The following HSPG2 variants were observed in gnomAD, a reference collection of about 807,000 sequenced individuals.
HSPG2 encodes heparan sulfate proteoglycan 2.
A neutral mutation model predicts 526.6 loss-of-function variants in HSPG2; 278 were observed. The ratio of observed to expected loss-of-function variants is 0.53; its 90% CI spans 0.48 to 0.58. The LOEUF (loss-of-function observed/expected upper bound fraction) is 0.58, where lower values mean the gene tolerates loss of function less well. Ranked by LOEUF, HSPG2 falls within the 20% of genes least tolerant of loss-of-function variation. The probability of loss-of-function intolerance (pLI) is 0.00; values close to 1 mark genes in which losing one functional copy is unlikely to be tolerated. For missense variants in HSPG2, 5,354 were observed against 6,099.5 expected (o/e 0.88, Z 4.07); for synonymous variants, 2,465 against 2,555.4 (o/e 0.96, Z 1.07).
rs35291473 is a variant in HSPG2 at position 21,838,135 on chromosome 1, CAAAAAAAA to C, written c.10150+682_10150+689del. 8.2e-4 allele frequency among the ~76,000 whole-genome samples: 62 copies of C among 75,286 alleles called. 1 individual carries two copies. The highest frequency in any genetic ancestry group is 8.3e-3 in the Middle Eastern group (1 of 120). The allele number at this position is 75,286 out of a possible 152,430, so 49.4% of individuals were successfully genotyped here. ...TGGGTGAAAGAGTGAGATTCTGTCT[CAAAAAAAA>C]AAAAAAAAAAAAAAAGAAAGAAACT... On this transcript the variant is annotated intron_variant, in intron 74 of 96. Coordinates refer to ENST00000374695, the MANE Select transcript of HSPG2 (RefSeq NM_005529.7).
In HSPG2 at chr1:21,890,227, G is replaced by A. The variant is rs1642253962; in HGVS notation, c.414-86C>T. 1 of 1,535,742 alleles carries A rather than the reference G, an allele frequency of 6.5e-7. No individual in the cohort carries two copies. The highest frequency in any genetic ancestry group is 1.4e-5 in the African/African-American group (1 of 73,554). On this transcript the variant is annotated intron_variant, in intron 5 of 96. Coordinates refer to ENST00000374695, the MANE Select transcript of HSPG2 (RefSeq NM_005529.7). This position sits in a 1 kb window ranked among gnomAD's most constrained non-coding sequence, Gnocchi z 4.1. Reference sequence around the variant, plus strand: ...CATGAGGCTCCCGCCCCGACGCTCAGGCCCTGTTCCGGGACAGCCTGTACC... The same window carrying A: ...CATGAGGCTCCCGCCCCGACGCTCAAGCCCTGTTCCGGGACAGCCTGTACC...
At chr1:21,861,639 A>G in intron 39 of HSPG2, 118 bp downstream of exon 39, 1 of 936,038 alleles carries the variant, frequency 1.1e-6, no homozygotes, top group Non-Finnish European at 1.7e-6. Flanking sequence ...GAAGTGTTTG[A>G]GGCAGGGAAG....
At chr1:21,830,282 G>T in intron 85 of HSPG2, 191 bp from the exon 86 acceptor site, 1 of 610,084 alleles carries the variant, frequency 1.6e-6, no homozygotes, top group Non-Finnish European at 2.9e-6. Context: ...AGGGAGGACT[G>T]CAGGGGAAGC....
chr1:21,878,637 G>C lies in HSPG2; in HGVS notation c.2498C>G (p.Thr833Arg). ...RRFSDTCFLD[T>R]DGQATCDACA... The stretch of plus-strand genomic sequence containing the variant: ...GGCGTCACATGTGGCTTGGCCATCC[G>C]TGTCCAGGAAGCAAGTGTCTGAGAA... Residue 833 changes from threonine to arginine, a missense_variant, in exon 19 of 97, where the codon ACG becomes AGG. Transcript: ENST00000374695. The C allele has an allele frequency of 6.2e-7, 1 of 1,614,132 alleles. No individual in the cohort carries two copies. Among genetic ancestry groups the C allele is most frequent in the Non-Finnish European group, 8.5e-7 (1 of 1,180,020 alleles).
chr1:21,823,859 T>C, intron 95 of HSPG2, 140 bp from the exon 96 acceptor site: 1 of 779,372 alleles, frequency 1.3e-6, no homozygotes, highest in Non-Finnish European at 2.2e-6. Flanking sequence ...TTTCCCCCGC[T>C]GAACGAGAGA....
intron 1 of HSPG2, among the ~76,000 whole-genome samples, chr1:21,933,063 T>C (rs953788859): frequency 6.6e-6 from 1 of 151,176 alleles, no homozygotes; most frequent in African/African-American, 2.4e-5. Flanking sequence ...CTATAAAAAA[T>C]ACAAAAATTA....
chr1:21,891,592 G>A (rs1159189948), intron 3 of HSPG2, among the ~76,000 whole-genome samples: 1 of 151,784 alleles, frequency 6.6e-6, no homozygotes, highest in Non-Finnish European at 1.5e-5. Flanking sequence ...TCAGACTGGT[G>A]TGAACATACA....
intron 86 of HSPG2, 100 bp downstream of exon 86, chr1:21,829,893 G>T (rs1414552067): frequency 1.9e-6 from 2 of 1,058,968 alleles, no homozygotes; most frequent in East Asian, 2.6e-5. Context: ...CTTGGGAATC[G>T]TTTTATCATC....
rs540985925 is a variant in HSPG2, at chr1:21,846,456, G to T, written c.8308C>A (p.His2770Asn). 6.2e-7 allele frequency: 1 copy of T among 1,613,554 alleles called. No homozygotes were observed. Among genetic ancestry groups the T allele is most frequent in the Non-Finnish European group, 8.5e-7 (1 of 1,180,056 alleles). ...TCCTGCCAGCTGCATACCTGATGGT[G>T]ACTGGGGAGGCTGCCCCCACGCTTG... is the stretch of plus-strand genomic sequence containing the variant. Reference protein sequence around the residue: ...WHKRGGSLPSHHQTRGSRLRL... With the variant: ...WHKRGGSLPSNHQTRGSRLRL... Residue 2770 changes from histidine (H) to asparagine (N), a missense_variant, in exon 63 of 97, where the codon CAC (histidine) becomes AAC (asparagine). Coordinates refer to ENST00000374695, the MANE Select transcript of HSPG2 (RefSeq NM_005529.7).
At position 21,850,276 on chromosome 1, in the gene HSPG2, C is replaced by T. The variant is rs34719083; in HGVS notation, c.7295-84G>A. ...CTGGTCTCAAGGCAGGTGCAGTCTG[C>T]GGCTTGGCCTCCTGATCCTGCCGTT... On this transcript the variant is annotated intron_variant, in intron 56 of 96. Coordinates refer to ENST00000374695, the MANE Select transcript of HSPG2 (RefSeq NM_005529.7). The T allele has an allele frequency of 0.057, 91,028 of 1,609,776 alleles. 3,084 individuals carry two copies. The highest frequency in any genetic ancestry group is 0.11 in the South Asian group (9,922 of 90,878).
At chr1:21,863,994 C>T (rs1640027712) in intron 37 of HSPG2, 106 bp downstream of exon 37, 2 of 893,936 alleles carry the variant, frequency 2.2e-6, no homozygotes, top group African/African-American at 1.7e-5. Context: ...ACAGGCCATG[C>T]CCCATGATCC....
Position 21,864,231 on chromosome 1 carries a change from G to A in HSPG2, c.4627-18C>T. On this transcript the variant is annotated intron_variant, in intron 36 of 96. Transcript: ENST00000374695. The surrounding 1 kb of genome is among the most constrained non-coding windows in gnomAD (Gnocchi z 4.8). ...GCACAGTCCTAGGGGCAGAGAGGAA[G>A]GTTGGCCTCTGTTCCCAACGTGCCC... is the stretch of plus-strand genomic sequence containing the variant. 1 of 1,545,504 alleles carries A rather than the reference G, an allele frequency of 6.5e-7. No homozygotes were observed. Among genetic ancestry groups the A allele is most frequent in the Non-Finnish European group, 8.8e-7 (1 of 1,142,496 alleles).
At position 21,823,208 on chromosome 1, in the gene HSPG2, G is replaced by T; in HGVS notation, c.*108C>A. The T allele has an allele frequency of 9.2e-7, 1 of 1,087,272 alleles. No homozygotes were observed. Among genetic ancestry groups the T allele is most frequent in the Non-Finnish European group, 1.2e-6 (1 of 802,560 alleles). 67.4% of individuals were successfully genotyped at this position (1,087,272 alleles called of 1,614,324 possible). A position where few individuals can be genotyped will look rare whatever the true frequency, so the allele number is the denominator to read the frequency against. ...GCCCAGGGCGGTAGCAGCAAAGCGT[G>T]GCATCGCCTCGGTTTCTTACAAAAA... On this transcript the variant is annotated 3_prime_UTR_variant, in exon 97 of 97. Transcript: ENST00000374695.
At chr1:21,835,730 TC>T (rs2098023871) in intron 75 of HSPG2, 93 bp from the exon 76 acceptor site, 1 of 914,432 alleles carries the variant, frequency 1.1e-6, no homozygotes, top group East Asian at 2.7e-5. Flanking sequence ...ACGCCTGTAA[TC>T]CCAGCACTTT....
chr1:21,857,225 G>C (rs748482700), intron 43 of HSPG2, 30 bp from the exon 44 acceptor site: 1 of 1,613,848 alleles, frequency 6.2e-7, no homozygotes, highest in South Asian at 1.1e-5. Flanking sequence ...GGGGTCATGG[G>C]TGGGGCTCAG....
Position 21,828,871 on chromosome 1 carries a change from G to T in HSPG2, c.12201C>A (p.Thr4067=). ...VEPSVPLSPA[T]NMSAHFRGCV... ...AGCCGCGGAAGTGAGCGCTCATGTT[G>T]GTGGCCGGGGACAGTGGCACGGAAG... Residue 4067 remains threonine, a synonymous_variant, in exon 88 of 97, where the codon ACC becomes ACA. Coordinates refer to ENST00000374695, the MANE Select transcript of HSPG2 (RefSeq NM_005529.7). The surrounding 1 kb of genome is among the most constrained non-coding windows in gnomAD (Gnocchi z 6.0). 1 of 1,552,182 alleles carries T rather than the reference G, an allele frequency of 6.4e-7. No homozygotes were observed. The highest frequency in any genetic ancestry group is 1.2e-5 in the South Asian group (1 of 84,156).
intron 1 of HSPG2, among the ~76,000 whole-genome samples, chr1:21,921,411 A>G (rs1480092068): frequency 2.6e-5 from 4 of 152,182 alleles, no homozygotes; most frequent in African/African-American, 9.7e-5. Flanking sequence ...TTACTATACC[A>G]GAGTTCACAT....
chr1:21,884,468 C>T lies in HSPG2; in HGVS notation c.1654+60G>A, dbSNP rs149729793. The T allele has an allele frequency of 1.8e-3, 2,807 of 1,595,486 alleles. 7 individuals are homozygous for T. The highest frequency in any genetic ancestry group is 2.2e-3 in the Non-Finnish European group (2,586 of 1,166,228). ...CTGTCCGCATCTATCCTCTGTGCCC[C>T]CTGGGTACAGAGGTACCCACCTCCC... On this transcript the variant is annotated intron_variant, in intron 13 of 96. Transcript: ENST00000374695.
chr1:21,882,332 A>G (rs953108790), intron 13 of HSPG2, among the ~76,000 whole-genome samples: 4 of 152,052 alleles, frequency 2.6e-5, no homozygotes, highest in African/African-American at 9.7e-5. Flanking sequence ...GAGCACATTG[A>G]TATAAAATGG....
Sources: gnomAD v4.1 joint callset for allele counts (sites outside exome capture counted in the v4.1 genomes callset) on GRCh38, gnomAD v4.1.1 for gene constraint, Gnocchi (gnomAD v3.1) non-coding constraint, MANE v1.5 for transcripts, NCBI Gene and HGNC (gene_info 2026-07-23, HGNC 2026-07-21) for gene names.